Variants in SIX1 observed in about 807,000 individuals in gnomAD.
SIX1 encodes the protein SIX homeobox 1.
SIX1 carries 11 observed loss-of-function variants against 26.5 expected under a neutral mutation model. The observed-to-expected ratio is 0.41, with a 90% CI of 0.26 to 0.69. The LOEUF is 0.69. Ranked by LOEUF, SIX1 falls within the 30% of genes least tolerant of loss-of-function variation. The pLI, the probability that SIX1 is intolerant of heterozygous loss-of-function variation, is 0.28. For missense variants in SIX1, 333 were observed against 365.9 expected (o/e 0.91, Z 0.73); for synonymous variants, 177 against 166.2 (o/e 1.06, Z -0.50).
In SIX1 at chr14:60,645,190, A is replaced by C. The variant is rs1894917953; in HGVS notation, c.*1093T>G. The C allele has an allele frequency of 6.6e-6, 1 of 152,120 alleles. No individual in the cohort carries two copies. Among genetic ancestry groups the C allele is most frequent in the African/African-American group, 2.4e-5 (1 of 41,410 alleles). 9.4% of individuals were successfully genotyped at this position (152,120 alleles called of 1,614,324 possible). ...ATTCACAGCCACCATTAAGTAAGAA[A>C]GAAAAATATATTTAAAAAAAAAAAT... On this transcript the variant is annotated 3_prime_UTR_variant, in exon 2 of 2. Coordinates refer to ENST00000645694, the MANE Select transcript of SIX1 (RefSeq NM_005982.4). This position sits in a 1 kb window ranked among gnomAD's most constrained non-coding sequence, Gnocchi z 4.6.
At position 60,648,769 on chromosome 14, in the gene SIX1, C is replaced by T. The variant is rs761906849; in HGVS notation, c.421G>A (p.Glu141Lys). 3.8e-5 allele frequency: 61 copies of T among 1,614,150 alleles called. No homozygotes were observed. The highest frequency in any genetic ancestry group is 4.3e-5 in the Non-Finnish European group (51 of 1,179,988). The change falls in exon 1 of 2, where the codon GAG (glutamate) becomes AAG (lysine). Residue 141 changes from glutamate (E) to lysine (K), a missense_variant. Coordinates refer to ENST00000645694, the MANE Select transcript of SIX1 (RefSeq NM_005982.4). This position sits in a 1 kb window ranked among gnomAD's most constrained non-coding sequence, Gnocchi z 7.9. ...FKEKSRGVLR[E>K]WYAHNPYPSP... ...GGGTAGGGATTGTGCGCGTACCACT[C>T]CCGCAGGACACCCCTCGACTTCTCC...
rs1465464513 is a variant in SIX1, at chr14:60,647,391, C to G, written c.561-814G>C. ...TTCTGGGCAGGGGAAACTTCGCCGC[C>G]CCGCACAGGCTGCCAGCGGGCGCGG... On this transcript the variant is annotated intron_variant, in intron 1 of 1. Coordinates refer to ENST00000645694, the MANE Select transcript of SIX1 (RefSeq NM_005982.4). The surrounding 1 kb of genome is among the most constrained non-coding windows in gnomAD (Gnocchi z 5.1). 6.6e-6 allele frequency among the ~76,000 whole-genome samples: 1 copy of G among 152,230 alleles called. No individual in the cohort carries two copies. The highest frequency in any genetic ancestry group is 6.5e-5 in the Admixed American group (1 of 15,282).
In SIX1 at chr14:60,646,471, GA is replaced by G; in HGVS notation, c.666del (p.Gln224LysfsTer28). 1 of 1,614,116 alleles carries G rather than the reference GA, an allele frequency of 6.2e-7. No individual in the cohort carries two copies. The highest frequency in any genetic ancestry group is 2.2e-5 in the East Asian group (1 of 44,878). On this transcript the variant is annotated frameshift_variant, in exon 2 of 2. Transcript: ENST00000645694. LOFTEE classifies it high-confidence loss of function. ...LMSSSEEEFSPPQSPDQNSVL... is the reference protein window; with the variant it reads ...LMSSSEEEFSXPQSPDQNSVL... ...ACCGAGTTCTGGTCTGGACTTTGGGGAGGTGAGAATTCCTCTTCTGAGCTGG... is the reference window on the plus strand; with the variant it reads ...ACCGAGTTCTGGTCTGGACTTTGGGGGGTGAGAATTCCTCTTCTGAGCTGG...
rs374228886 is a variant in SIX1 at position 60,649,203 on chromosome 14, C to A, written c.-14G>T. 2.9e-4 allele frequency: 467 copies of A among 1,602,586 alleles called. No homozygotes were observed. Among genetic ancestry groups the A allele is most frequent in the Non-Finnish European group, 3.7e-4 (440 of 1,179,262 alleles). The stretch of plus-strand genomic sequence containing the variant: ...CAGCATCGACATGGCTGGGGCCTGC[C>A]GGGGCGCACGGCCCAGGCGCACGCG... On this transcript the variant is annotated 5_prime_UTR_variant, in exon 1 of 2. Coordinates refer to ENST00000645694, the MANE Select transcript of SIX1 (RefSeq NM_005982.4). The surrounding 1 kb of genome is among the most constrained non-coding windows in gnomAD (Gnocchi z 5.1).
At position 60,648,869 on chromosome 14, in the gene SIX1, G is replaced by A. The variant is rs747379649; in HGVS notation, c.321C>T (p.Gly107=). 79 of 1,614,080 alleles carry A rather than the reference G, an allele frequency of 4.9e-5. No homozygotes were observed. The highest frequency in any genetic ancestry group is 1.5e-4 in the Admixed American group (9 of 60,016). ...GAAATTTTCGGCGCACCCGATATTT[G>A]CCCACGGCGCCCAGGGGTCGGCCGC... ...KLRGRPLGAV[G]KYRVRRKFPL... Residue 107 remains glycine (G), a synonymous_variant, in exon 1 of 2, where the codon GGC becomes GGT. Transcript: ENST00000645694. The surrounding 1 kb of genome is among the most constrained non-coding windows in gnomAD (Gnocchi z 7.9).
rs915036970 is a variant in SIX1 at position 60,645,018 on chromosome 14, A to G, written c.*1265T>C. 1 of 152,252 alleles carries G rather than the reference A, an allele frequency of 6.6e-6. No homozygotes were observed. The highest frequency in any genetic ancestry group is 1.5e-5 in the Non-Finnish European group (1 of 68,038). The allele number at this position is 152,252 out of a possible 1,614,324, so 9.4% of individuals were successfully genotyped here. A position where few individuals can be genotyped will look rare whatever the true frequency, so the allele number is the denominator to read the frequency against. Reference sequence around the variant, plus strand: ...ACAAAAGAGCTTAGTTAACATATGAATGCTGTGAAGAGATAGTGGTAAACA... The same window carrying G: ...ACAAAAGAGCTTAGTTAACATATGAGTGCTGTGAAGAGATAGTGGTAAACA... On this transcript the variant is annotated 3_prime_UTR_variant, in exon 2 of 2. Transcript: ENST00000645694. The surrounding 1 kb of genome is among the most constrained non-coding windows in gnomAD (Gnocchi z 4.6).
rs905082331 is a variant in SIX1 at position 60,648,382 on chromosome 14, C to T, written c.560+248G>A. 6.6e-6 allele frequency among the ~76,000 whole-genome samples: 1 copy of T among 152,244 alleles called. No homozygotes were observed. Among genetic ancestry groups the T allele is most frequent in the Non-Finnish European group, 1.5e-5 (1 of 68,046 alleles). On this transcript the variant is annotated intron_variant, in intron 1 of 1. Coordinates refer to ENST00000645694, the MANE Select transcript of SIX1 (RefSeq NM_005982.4). The surrounding 1 kb of genome is among the most constrained non-coding windows in gnomAD (Gnocchi z 7.9). ...AAGACCAAATCTAGCGCCAATATTT[C>T]CCGACACTCACATCCCAGAGAAACC...
In SIX1 at chr14:60,646,014, TG is replaced by T. The variant is rs1229455831; in HGVS notation, c.*268del. On this transcript the variant is annotated 3_prime_UTR_variant, in exon 2 of 2. Transcript: ENST00000645694. ...GGGTGCCTGGGTGCTTTTGTTTGTTTGGGTTTTTTTTTTTTTTTTTCCCTGA... is the reference window on the plus strand; with the variant it reads ...GGGTGCCTGGGTGCTTTTGTTTGTTTGGTTTTTTTTTTTTTTTTTCCCTGA... 67 of 209,454 alleles carry T rather than the reference TG, an allele frequency of 3.2e-4. No individual in the cohort carries two copies. The highest frequency in any genetic ancestry group is 2.6e-4 in the Admixed American group (3 of 11,522). The allele number at this position is 209,454 out of a possible 1,614,324, so 13.0% of individuals were successfully genotyped here.
Position 60,648,583 on chromosome 14 carries a change from G to A in SIX1, c.560+47C>T, listed in dbSNP as rs1450191261. ...GGGGCGGGAGGGGGCGGAGGAGAAA[G>A]GACGGCTTCCTAGGGTCGCCCGAGT... On this transcript the variant is annotated intron_variant, in intron 1 of 1. Transcript: ENST00000645694. The surrounding 1 kb of genome is among the most constrained non-coding windows in gnomAD (Gnocchi z 7.9). The A allele has an allele frequency of 9.0e-6, 14 of 1,552,844 alleles. No homozygotes were observed. The highest frequency in any genetic ancestry group is 4.1e-5 in the African/African-American group (3 of 73,378).
rs1193988496 is a variant in SIX1, at chr14:60,648,042, A to C, written c.560+588T>G. 6.6e-6 allele frequency among the ~76,000 whole-genome samples: 1 copy of C among 151,914 alleles called. No individual in the cohort carries two copies. The highest frequency in any genetic ancestry group is 2.4e-5 in the African/African-American group (1 of 41,340). ...GCGCCGGGGAGTAAATGCAGCGCCAACTCTCCCCAAAGCTCTCTTTTTGTT... is the reference window on the plus strand; with the variant it reads ...GCGCCGGGGAGTAAATGCAGCGCCACCTCTCCCCAAAGCTCTCTTTTTGTT... On this transcript the variant is annotated intron_variant, in intron 1 of 1. Transcript: ENST00000645694. This position sits in a 1 kb window ranked among gnomAD's most constrained non-coding sequence, Gnocchi z 7.9.
Position 60,646,595 on chromosome 14 carries a change from A to G in SIX1, c.561-18T>C. The G allele has an allele frequency of 6.4e-7, 1 of 1,552,104 alleles. No homozygotes were observed. Among genetic ancestry groups the G allele is most frequent in the Non-Finnish European group, 8.8e-7 (1 of 1,142,726 alleles). ...TGTTCTCCCTAAGAAATAGAGGACA[A>G]CACCATATGGTTAAAAAAAAAAAAA... On this transcript the variant is annotated intron_variant, in intron 1 of 1. Coordinates refer to ENST00000645694, the MANE Select transcript of SIX1 (RefSeq NM_005982.4).
chr14:60,647,562 T>G lies in SIX1; in HGVS notation c.561-985A>C, dbSNP rs1266943677. 6.6e-6 allele frequency among the ~76,000 whole-genome samples: 1 copy of G among 152,156 alleles called. No homozygotes were observed. The highest frequency in any genetic ancestry group is 2.4e-5 in the African/African-American group (1 of 41,436). On this transcript the variant is annotated intron_variant, in intron 1 of 1. Transcript: ENST00000645694. This position sits in a 1 kb window ranked among gnomAD's most constrained non-coding sequence, Gnocchi z 5.1. ...TTTCTTTCCCCTTATCCTCACAGTC[T>G]CTGTCTCCCGACAAGCCCATTTCAG...
chr14:60,646,728 C>T (rs2140239769), intron 1 of SIX1, 151 bp from the exon 2 acceptor site: 1 of 700,454 alleles, frequency 1.4e-6, no homozygotes, highest in African/African-American at 1.8e-5. Flanking sequence ...GGAGCTCTAC[C>T]CTTCCACCCA....
rs939891670 is a variant in SIX1, at chr14:60,643,996, G to A, written c.*2287C>T. On this transcript the variant is annotated 3_prime_UTR_variant, in exon 2 of 2. Transcript: ENST00000645694. ...CAGGAAGTGGGCCGGGGCGCCCTGCGAGACACAACTTCCACGAGCCTAAAA... is the reference window on the plus strand; with the variant it reads ...CAGGAAGTGGGCCGGGGCGCCCTGCAAGACACAACTTCCACGAGCCTAAAA... 1 of 152,226 alleles carries A rather than the reference G, an allele frequency of 6.6e-6. No individual in the cohort carries two copies. The highest frequency in any genetic ancestry group is 1.5e-5 in the Non-Finnish European group (1 of 68,056). The allele number at this position is 152,226 out of a possible 1,614,324, so 9.4% of individuals were successfully genotyped here. A position where few individuals can be genotyped will look rare whatever the true frequency, so the allele number is the denominator to read the frequency against.
rs1005556303 is a variant in SIX1, at chr14:60,644,939, C to T, written c.*1344G>A. 1 of 152,102 alleles carries T rather than the reference C, an allele frequency of 6.6e-6. No individual in the cohort carries two copies. The highest frequency in any genetic ancestry group is 1.5e-5 in the Non-Finnish European group (1 of 67,994). 9.4% of individuals were successfully genotyped at this position (152,102 alleles called of 1,614,324 possible). A position where few individuals can be genotyped will look rare whatever the true frequency, so the allele number is the denominator to read the frequency against. Reference sequence around the variant, plus strand: ...TCCTTGTTCTCCTTCCCTTTTTTGTCTTCAAGCAGATAAATTATTTTTACT... The same window carrying T: ...TCCTTGTTCTCCTTCCCTTTTTTGTTTTCAAGCAGATAAATTATTTTTACT... On this transcript the variant is annotated 3_prime_UTR_variant, in exon 2 of 2. Coordinates refer to ENST00000645694, the MANE Select transcript of SIX1 (RefSeq NM_005982.4).
chr14:60,646,985 G>A (rs563521520), intron 1 of SIX1, among the ~76,000 whole-genome samples: 30 of 152,350 alleles, frequency 2.0e-4, no homozygotes, highest in Admixed American at 3.9e-4. Context: ...AATAGATATT[G>A]GTGATAAAGA....
Position 60,649,463 on chromosome 14 carries a change from G to T in SIX1, c.-274C>A. ...ACCTCCCGCCCGGTGGATGCTGCTA[G>T]TTGCCGGGGAACTTGGTTTCTGTTC... On this transcript the variant is annotated 5_prime_UTR_variant, in exon 1 of 2. Coordinates refer to ENST00000645694, the MANE Select transcript of SIX1 (RefSeq NM_005982.4). This position sits in a 1 kb window ranked among gnomAD's most constrained non-coding sequence, Gnocchi z 5.1. The T allele has an allele frequency of 1.5e-5, 6 of 404,902 alleles. No individual in the cohort carries two copies. The highest frequency in any genetic ancestry group is 8.8e-6 in the Non-Finnish European group (2 of 226,754). The allele number at this position is 404,902 out of a possible 1,614,324, so 25.1% of individuals were successfully genotyped here. A position where few individuals can be genotyped will look rare whatever the true frequency, so the allele number is the denominator to read the frequency against.
In SIX1 at chr14:60,643,806, C is replaced by T. The variant is rs146526265; in HGVS notation, c.*2477G>A. The stretch of plus-strand genomic sequence containing the variant: ...TTATTAAACACATCTGGAATATGCG[C>T]GCTCTGGATTTAGTGCCAGGGGTTT... On this transcript the variant is annotated 3_prime_UTR_variant, in exon 2 of 2. Transcript: ENST00000645694. The T allele has an allele frequency of 1.3e-5, 2 of 152,322 alleles. No homozygotes were observed. Among genetic ancestry groups the T allele is most frequent in the East Asian group, 1.9e-4 (1 of 5,186 alleles). 9.4% of individuals were successfully genotyped at this position (152,322 alleles called of 1,614,324 possible). A position where few individuals can be genotyped will look rare whatever the true frequency, so the allele number is the denominator to read the frequency against.
Position 60,646,554 on chromosome 14 carries a change from G to A in SIX1, c.584C>T (p.Ser195Phe). ...KERENTENNN[S>F]SSNKQNQLSP... ...GAGTTGGTTCTGCTTGTTGGAGGAGGAGTTATTGTTTTCGGTGTTCTCCCT... is the reference window on the plus strand; with the variant it reads ...GAGTTGGTTCTGCTTGTTGGAGGAGAAGTTATTGTTTTCGGTGTTCTCCCT... Residue 195 changes from serine to phenylalanine, a missense_variant, in exon 2 of 2, where the codon TCC (serine) becomes TTC (phenylalanine). By Grantham distance (155) the Ser-to-Phe change is radical (BLOSUM62 -2). Transcript: ENST00000645694. The A allele has an allele frequency of 6.2e-7, 1 of 1,609,774 alleles. No homozygotes were observed. Among genetic ancestry groups the A allele is most frequent in the Non-Finnish European group, 8.5e-7 (1 of 1,179,372 alleles).
Sources: allele counts gnomAD v4.1 joint callset (sites outside exome capture counted in the v4.1 genomes callset), GRCh38; gene constraint gnomAD v4.1.1; non-coding constraint Gnocchi (gnomAD v3.1); transcripts MANE v1.5; gene names NCBI Gene and HGNC (gene_info 2026-07-23, HGNC 2026-07-21).